FAM193A: variants seen among roughly 807,000 people sequenced by gnomAD.
FAM193A encodes the protein protein FAM193A.
In FAM193A, 22 loss-of-function variants were observed where a neutral mutation model predicts 126.5. The ratio of observed to expected loss-of-function variants is 0.17; its 90% confidence interval spans 0.12 to 0.25. FAM193A has a LOEUF of 0.25. Ranked by LOEUF, FAM193A falls within the 10% of genes least tolerant of loss-of-function variation. The pLI, the probability that FAM193A is intolerant of heterozygous loss-of-function variation, is 1.00. For synonymous variants in FAM193A, 761 were observed against 646.8 expected (o/e 1.18, Z -2.68); for missense variants, 1,675 against 1,672.8 (o/e 1.00, Z -0.02).
intron 1 of FAM193A, among the ~76,000 whole-genome samples, chr4:2,543,626 G>A (rs1266999186): frequency 6.6e-6 from 1 of 151,952 alleles, no homozygotes; most frequent in African/African-American, 2.4e-5. Flanking sequence ...GGAGGCTGAG[G>A]TGGGCAGATC....
chr4:2,572,669 T>C (rs1353157713), intron 1 of FAM193A, among the ~76,000 whole-genome samples: 2 of 151,652 alleles, frequency 1.3e-5, no homozygotes, highest in Non-Finnish European at 2.9e-5. Flanking sequence ...AGAAGGGGCC[T>C]AGAGGAAGTG....
At chr4:2,538,459 C>T (rs137974253) in intron 1 of FAM193A, among the ~76,000 whole-genome samples, 1,657 of 152,102 alleles carry the variant, frequency 0.011, 33 homozygotes, top group African/African-American at 0.038. Context: ...TCCCAAAGTG[C>T]TGGGATTACA....
chr4:2,559,690 A>T (rs1177034785), intron 1 of FAM193A, among the ~76,000 whole-genome samples: 3 of 151,958 alleles, frequency 2.0e-5, no homozygotes, highest in Non-Finnish European at 4.4e-5. Flanking sequence ...CTCCCTCTGG[A>T]TGTCTTCCAC....
At chr4:2,614,317 A>T (rs1203204957) in intron 2 of FAM193A, among the ~76,000 whole-genome samples, 1 of 152,204 alleles carries the variant, frequency 6.6e-6, no homozygotes, top group Non-Finnish European at 1.5e-5. Context: ...GTTTGCTAAG[A>T]ATTATCATTA....
chr4:2,572,244 G>A (rs867581550), intron 1 of FAM193A, among the ~76,000 whole-genome samples: 13 of 150,070 alleles, frequency 8.7e-5, no homozygotes, highest in South Asian at 4.2e-4. Flanking sequence ...CAGGAGAATC[G>A]CTTGAACCTG....
intron 1 of FAM193A, among the ~76,000 whole-genome samples, chr4:2,576,139 C>T (rs193107784): frequency 2.3e-4 from 35 of 152,220 alleles, no homozygotes; most frequent in African/African-American, 4.3e-4. Flanking sequence ...CATTGTCGCC[C>T]GGGCTGCAGT....
chr4:2,624,217 C>T (rs994993547), intron 2 of FAM193A, among the ~76,000 whole-genome samples: 10 of 151,916 alleles, frequency 6.6e-5, no homozygotes, highest in African/African-American at 2.4e-4. Flanking sequence ...CGGTCTGTTT[C>T]TCAGGCTGGA....
At chr4:2,660,964 AGT>A (rs1479688115) in intron 10 of FAM193A, among the ~76,000 whole-genome samples, 1 of 152,232 alleles carries the variant, frequency 6.6e-6, no homozygotes, top group African/African-American at 2.4e-5. Flanking sequence ...CACAAGAAAG[AGT>A]GTTGACATTT....
intron 2 of FAM193A, among the ~76,000 whole-genome samples, chr4:2,601,227 C>CTTTTTTT (rs1201989388): frequency 6.9e-4 from 76 of 110,628 alleles, no homozygotes; most frequent in Middle Eastern, 5.3e-3. Flanking sequence ...TCTTCTTCTT[C>CTTTTTTT]TTTTTTTTTT....
chr4:2,678,761 G>A (rs1714748295), intron 13 of FAM193A, among the ~76,000 whole-genome samples: 1 of 152,160 alleles, frequency 6.6e-6, no homozygotes, highest in African/African-American at 2.4e-5. Context: ...GCTGATTTTT[G>A]AGTGTTGATT....
chr4:2,600,177 C>T (rs1292224721), intron 2 of FAM193A, among the ~76,000 whole-genome samples: 3 of 152,148 alleles, frequency 2.0e-5, no homozygotes, highest in Non-Finnish European at 4.4e-5. Context: ...GGATTACAGG[C>T]GTGAGCCACT....
chr4:2,651,571 T>C (rs1745670079), intron 7 of FAM193A, among the ~76,000 whole-genome samples: 1 of 152,178 alleles, frequency 6.6e-6, no homozygotes, highest in African/African-American at 2.4e-5. Context: ...GAGAACAGCA[T>C]GGGGGAAATC....
At chr4:2,594,819 C>CTT (rs1740763162) in intron 1 of FAM193A, among the ~76,000 whole-genome samples, 1 of 86,958 alleles carries the variant, frequency 1.1e-5, no homozygotes, top group African/African-American at 5.9e-5. Context: ...CTTTTCTTTT[C>CTT]CTTTTTTTTT....
intron 1 of FAM193A, among the ~76,000 whole-genome samples, chr4:2,556,465 A>G (rs1234272162): frequency 1.3e-5 from 2 of 152,058 alleles, no homozygotes; most frequent in Admixed American, 6.6e-5. Context: ...TGGCCTCCCA[A>G]AGTGCTGGGA....
rs537662546 is a variant in FAM193A, at chr4:2,579,027, G to A, written c.256-17057G>A. Among the ~76,000 whole-genome samples, 5 of 151,978 alleles carry A rather than the reference G, an allele frequency of 3.3e-5. No homozygotes were observed. In the South Asian group the frequency reaches 1.0e-3, roughly 32 times the overall value. On this transcript the variant is annotated intron_variant, in intron 1 of 20. Transcript: ENST00000637812. The stretch of plus-strand genomic sequence containing the variant: ...GTCACCCAGGCTGGAATGCAGTGGC[G>A]TGATCACAGTAAAAGAGATGGGGGT...
At chr4:2,577,411 G>GTTTTTTTTTTTTTTTTTTT (rs67407606) in intron 1 of FAM193A, among the ~76,000 whole-genome samples, 6 of 101,856 alleles carry the variant, frequency 5.9e-5, no homozygotes, top group South Asian at 3.1e-4. Context: ...AATTAAAGTG[G>GTTTTTTTTTTTTTTTTTTT]TTTTTTTTTT....
chr4:2,699,584 TATGTG>T, intron 18 of FAM193A, 91 bp from the exon 19 acceptor site: 1 of 1,203,016 alleles, frequency 8.3e-7, no homozygotes. Flanking sequence ...TTATGTTCCA[TATGTG>T]ATTCGTTTTT....
chr4:2,696,064 A>G (rs911332607), intron 17 of FAM193A, among the ~76,000 whole-genome samples: 2 of 152,048 alleles, frequency 1.3e-5, no homozygotes, highest in Non-Finnish European at 2.9e-5. Context: ...AAAATACATT[A>G]ATCAGGATTT....
At chr4:2,726,328 C>G (rs1384993780) in intron 20 of FAM193A, among the ~76,000 whole-genome samples, 2 of 152,306 alleles carry the variant, frequency 1.3e-5, no homozygotes, top group East Asian at 3.9e-4. Flanking sequence ...CGTGAGCCAC[C>G]AAGCCTGGCC....
Sources: gnomAD v4.1 joint callset for allele counts (sites outside exome capture counted in the v4.1 genomes callset) on GRCh38, gnomAD v4.1.1 for gene constraint, MANE v1.5 for transcripts, NCBI Gene and HGNC (gene_info 2026-07-23, HGNC 2026-07-21) for gene names.